ZSCAN5A: variants seen among roughly 807,000 people sequenced by gnomAD.
The protein encoded by ZSCAN5A is zinc finger and SCAN domain containing 5A, also known as zinc finger and SCAN domain-containing protein 5A.
A neutral mutation model predicts 23.7 loss-of-function variants in ZSCAN5A; 12 were observed. The observed-to-expected ratio is 0.51, with a 90% CI of 0.32 to 0.82. The LOEUF is 0.82. ZSCAN5A is among the 40% of genes least tolerant of loss of function. The probability of loss-of-function intolerance (pLI) is 0.03; values close to 1 mark genes in which losing one functional copy is unlikely to be tolerated. For synonymous variants in ZSCAN5A, 257 were observed against 239.9 expected, an observed-to-expected ratio of 1.07 and a Z score of -0.66; for missense variants, 597 against 617.9, an observed-to-expected ratio of 0.97 and a Z score of 0.36.
At chr19:56,307,496 A>G (rs1002663997) in intron 2 of ZSCAN5A, among the ~76,000 whole-genome samples, 1 of 152,178 alleles carries the variant, frequency 6.6e-6, no homozygotes, top group Non-Finnish European at 1.5e-5. Flanking sequence ...TAACTGTGTG[A>G]CATTTACTTA....
intron 2 of ZSCAN5A, among the ~76,000 whole-genome samples, chr19:56,231,087 C>T (rs2034424858): frequency 6.6e-6 from 1 of 152,196 alleles, no homozygotes; most frequent in Admixed American, 6.6e-5. Flanking sequence ...ATGGTGCAAG[C>T]CTGTAGTCCC....
intron 1 of ZSCAN5A, chr19:56,365,606 C>T (rs970156153): frequency 3.3e-5 from 5 of 152,148 alleles, no homozygotes; most frequent in Admixed American, 3.3e-4. Context: ...AAAAGCTGAA[C>T]AAACTGAAAA....
intron 2 of ZSCAN5A, among the ~76,000 whole-genome samples, chr19:56,264,847 C>T (rs898240721): frequency 5.9e-5 from 9 of 152,260 alleles, no homozygotes; most frequent in East Asian, 3.9e-4. Context: ...TAGGGCTGGG[C>T]GCGGTGGCTC....
intron 2 of ZSCAN5A, among the ~76,000 whole-genome samples, chr19:56,335,164 TAGC>T (rs2041523320): frequency 6.6e-6 from 1 of 151,144 alleles, no homozygotes; most frequent in African/African-American, 2.4e-5. Flanking sequence ...CAAGTATTAA[TAGC>T]AGAATAGACC....
chr19:56,320,568 T>C, intron 2 of ZSCAN5A: 2 of 523,184 alleles, frequency 3.8e-6, no homozygotes, highest in Admixed American at 2.6e-5. Flanking sequence ...GCCGAGATCA[T>C]ACCATTGCAC....
chr19:56,360,717 T>A (rs2041728881), intron 2 of ZSCAN5A, among the ~76,000 whole-genome samples: 2 of 150,892 alleles, frequency 1.3e-5, no homozygotes, highest in South Asian at 4.2e-4. Flanking sequence ...AAAAAAAAAA[T>A]AAAAACTATA....
chr19:56,271,405 C>T (rs372241734), intron 2 of ZSCAN5A, among the ~76,000 whole-genome samples: 2 of 152,332 alleles, frequency 1.3e-5, no homozygotes, highest in South Asian at 2.1e-4. Context: ...TCTTTACTTC[C>T]GCATAGCACC....
At chr19:56,254,453 G>A (rs569546058) in intron 2 of ZSCAN5A, among the ~76,000 whole-genome samples, 17 of 152,082 alleles carry the variant, frequency 1.1e-4, no homozygotes, top group Non-Finnish European at 2.5e-4. Flanking sequence ...CTTTGGAAAG[G>A]GGAATAATAT....
intron 2 of ZSCAN5A, among the ~76,000 whole-genome samples, chr19:56,282,692 T>C (rs751560554): frequency 2.3e-4 from 35 of 152,234 alleles, no homozygotes; most frequent in Non-Finnish European, 4.3e-4. Context: ...CCCTTTTACT[T>C]GTCTCCCCTC....
At chr19:56,255,061 T>C (rs1355143916) in intron 2 of ZSCAN5A, among the ~76,000 whole-genome samples, 1 of 151,906 alleles carries the variant, frequency 6.6e-6, no homozygotes, top group African/African-American at 2.4e-5. Context: ...AAAATATATA[T>C]TTTCTTATTA....
At chr19:56,288,877 G>A (rs2039322869) in intron 2 of ZSCAN5A, among the ~76,000 whole-genome samples, 1 of 152,250 alleles carries the variant, frequency 6.6e-6, no homozygotes, top group East Asian at 1.9e-4. Flanking sequence ...CCTCCAGATA[G>A]GACAGAAGAA....
Position 56,246,837 on chromosome 19 carries a change from G to A in ZSCAN5A, c.-127-21664C>T, listed in dbSNP as rs762000063. On this transcript the variant is annotated intron_variant, in intron 2 of 5. Transcript: ENST00000683990. ...CCTGCGTTGTGGAGAGAGAAGCTTC[G>A]ACTCACAGCGGGAGCAGAGGAGACG... The A allele has an allele frequency of 1.1e-5, 18 of 1,611,368 alleles. No homozygotes were observed. In the South Asian group the frequency reaches 1.2e-4, roughly 11 times the overall value.
chr19:56,309,595 C>G (rs924926339), intron 2 of ZSCAN5A, among the ~76,000 whole-genome samples: 2 of 152,218 alleles, frequency 1.3e-5, no homozygotes, highest in Non-Finnish European at 2.9e-5. Context: ...GCAGGAAGTA[C>G]CCCTGATCCA....
At chr19:56,261,061 A>G (rs1358433695) in intron 2 of ZSCAN5A, among the ~76,000 whole-genome samples, 1 of 152,126 alleles carries the variant, frequency 6.6e-6, no homozygotes, top group African/African-American at 2.4e-5. Flanking sequence ...TACAAAAATT[A>G]GCCAGGTGTG....
intron 2 of ZSCAN5A, among the ~76,000 whole-genome samples, chr19:56,240,526 G>A (rs900070483): frequency 4.6e-5 from 7 of 152,176 alleles, no homozygotes; most frequent in Non-Finnish European, 7.3e-5. Flanking sequence ...GGAGGCATAA[G>A]GCGGGAAGGA....
intron 2 of ZSCAN5A, among the ~76,000 whole-genome samples, chr19:56,258,752 C>T (rs1043224778): frequency 1.3e-5 from 2 of 152,178 alleles, no homozygotes; most frequent in Non-Finnish European, 2.9e-5. Context: ...GGATTTCCAT[C>T]CCCTTGCATC....
intron 4 of ZSCAN5A, among the ~76,000 whole-genome samples, chr19:56,223,229 G>T (rs1160844139): frequency 6.6e-6 from 1 of 152,144 alleles, no homozygotes; most frequent in Non-Finnish European, 1.5e-5. Context: ...CATGTGTCCG[G>T]AAAGGCAGAA....
chr19:56,243,808 G>C (rs1260329532), intron 2 of ZSCAN5A, among the ~76,000 whole-genome samples: 3 of 152,082 alleles, frequency 2.0e-5, no homozygotes, highest in South Asian at 2.1e-4. Context: ...GATTTCCACT[G>C]TGCTGAATTC....
chr19:56,254,688 A>G (rs1013649046), intron 2 of ZSCAN5A, among the ~76,000 whole-genome samples: 2 of 152,106 alleles, frequency 1.3e-5, no homozygotes, highest in Non-Finnish European at 2.9e-5. Flanking sequence ...TTGTGTATTA[A>G]CAGTATACCA....
Sources: gnomAD v4.1 joint callset for allele counts (sites outside exome capture counted in the v4.1 genomes callset) on GRCh38, gnomAD v4.1.1 for gene constraint, MANE v1.5 for transcripts, NCBI Gene and HGNC (gene_info 2026-07-23, HGNC 2026-07-21) for gene names.